The following SETD5 variants were observed in gnomAD, a reference collection of about 807,000 sequenced individuals.
SETD5 encodes the protein SET domain containing 5.
Under a neutral mutation model 153.3 loss-of-function variants are expected in SETD5, and 44 were observed. That is an observed-to-expected ratio of 0.29 (90% CI 0.23 to 0.37). The LOEUF is 0.37. Among genes scored for constraint, SETD5 ranks in the 10% least tolerant of loss-of-function variants. The probability of loss-of-function intolerance (pLI) is 1.00; values close to 1 mark genes in which losing one functional copy is unlikely to be tolerated. For missense variants in SETD5, 1,544 were observed against 1,768.0 expected, an observed-to-expected ratio of 0.87 and a Z score of 2.27; for synonymous variants, 716 against 645.2, an observed-to-expected ratio of 1.11 and a Z score of -1.66.
chr3:9,411,772 T>C lies in SETD5; in HGVS notation c.-176-12695T>C, dbSNP rs144662283. Among the ~76,000 whole-genome samples, 12 of 152,312 alleles carry C rather than the reference T, an allele frequency of 7.9e-5. No individual in the cohort carries two copies. The East Asian group carries it at 2.3e-3, about 29-fold the overall frequency. ...CAGTTCTCTAAACTCTGTCTGAACT[T>C]TACTTAGAATTAGTAATGTTCATAT... On this transcript the variant is annotated intron_variant, in intron 1 of 22. Coordinates refer to ENST00000402198, the MANE Select transcript of SETD5 (RefSeq NM_001080517.3).
intron 7 of SETD5, 63 bp downstream of exon 7, chr3:9,435,969 A>G (rs1296741142): frequency 7.1e-7 from 1 of 1,415,352 alleles, no homozygotes; most frequent in African/African-American, 1.4e-5. Flanking sequence ...TTGGAGCAAG[A>G]ATGCACCAAA....
rs1432231015 is a variant in SETD5, at chr3:9,445,962, G to GTTTTTTTTTTTTTTTTTTTTTTTTTTTT, written c.1524+224_1524+225insTTTTTTTTTTTTTTTTTTTTTTTTTTTT. 2.0e-4 allele frequency among the ~76,000 whole-genome samples: 24 copies of GTTTTTTTTTTTTTTTTTTTTTTTTTTTT among 120,244 alleles called. 3 individuals are homozygous for GTTTTTTTTTTTTTTTTTTTTTTTTTTTT. Among genetic ancestry groups the GTTTTTTTTTTTTTTTTTTTTTTTTTTTT allele is most frequent in the African/African-American group, 5.6e-4 (16 of 28,638 alleles). The allele number at this position is 120,244 out of a possible 152,430, so 78.9% of individuals were successfully genotyped here. A position where few individuals can be genotyped will look rare whatever the true frequency, so the allele number is the denominator to read the frequency against. ...TATTATCTAGTGATGGTTTGAAGAG[G>GTTTTTTTTTTTTTTTTTTTTTTTTTTTT]TTGTTTTTTTTTTTTTTTTTTTTTT... On this transcript the variant is annotated intron_variant, in intron 13 of 22. Coordinates refer to ENST00000402198, the MANE Select transcript of SETD5 (RefSeq NM_001080517.3).
intron 1 of SETD5, among the ~76,000 whole-genome samples, chr3:9,421,824 G>A (rs973078428): frequency 6.6e-6 from 1 of 152,038 alleles, no homozygotes; most frequent in Non-Finnish European, 1.5e-5. Context: ...GAGCTATTCT[G>A]TATATCTGTT....
At chr3:9,425,062 T>TTTTTTTTTTTTTG (rs1559380356) in intron 2 of SETD5, among the ~76,000 whole-genome samples, 93 of 144,460 alleles carry the variant, frequency 6.4e-4, no homozygotes, top group African/African-American at 2.4e-3. Context: ...TTTCTTTTTT[T>TTTTTTTTTTTTTG]TTTTTTTTTT....
intron 11 of SETD5, among the ~76,000 whole-genome samples, chr3:9,443,860 T>G (rs1038644915): frequency 2.6e-5 from 4 of 151,976 alleles, no homozygotes; most frequent in African/African-American, 9.7e-5. Flanking sequence ...GGTCAGGAGA[T>G]CGAGACCATC....
intron 1 of SETD5, among the ~76,000 whole-genome samples, chr3:9,417,728 G>A (rs905411376): frequency 1.5e-4 from 22 of 149,602 alleles, no homozygotes; most frequent in Admixed American, 9.3e-4. Flanking sequence ...CTCGTGATCC[G>A]CCCGCCTCGG....
chr3:9,444,555 A>G (rs1180112170), intron 11 of SETD5, among the ~76,000 whole-genome samples: 3 of 151,744 alleles, frequency 2.0e-5, no homozygotes, highest in East Asian at 3.9e-4. Context: ...TTTCCCACTG[A>G]CCATGGAGTA....
intron 1 of SETD5, among the ~76,000 whole-genome samples, chr3:9,421,923 A>G (rs2038471876): frequency 6.6e-6 from 1 of 152,148 alleles, no homozygotes; most frequent in Admixed American, 6.5e-5. Context: ...GTGTTTTTTC[A>G]TGAATCCCAG....
intron 1 of SETD5, among the ~76,000 whole-genome samples, chr3:9,400,885 C>T (rs1346928254): frequency 6.6e-6 from 1 of 152,136 alleles, no homozygotes; most frequent in East Asian, 1.9e-4. Context: ...ACAGTCTGAG[C>T]GTGGAAAAAC....
intron 1 of SETD5, among the ~76,000 whole-genome samples, chr3:9,415,690 C>T (rs1417689663): frequency 1.3e-5 from 2 of 151,946 alleles, no homozygotes; most frequent in Non-Finnish European, 2.9e-5. Flanking sequence ...CTCAAGGGAT[C>T]GGGATCCTCC....
At chr3:9,447,633 CTG>C (rs1438452481) in intron 14 of SETD5, 51 bp from the exon 15 acceptor site, 40 of 1,556,340 alleles carry the variant, frequency 2.6e-5, no homozygotes, top group Middle Eastern at 1.7e-4. Flanking sequence ...GGAAATTAGA[CTG>C]TTTGCTGATA....
intron 21 of SETD5, 151 bp downstream of exon 21, chr3:9,474,733 G>A (rs2045675442): frequency 9.4e-7 from 1 of 1,062,428 alleles, no homozygotes. Context: ...ATGCTCATTT[G>A]GGCTACCACA....
At chr3:9,430,063 T>C in intron 3 of SETD5, 1 of 1,065,006 alleles carries the variant, frequency 9.4e-7, no homozygotes, top group Non-Finnish European at 1.2e-6. Flanking sequence ...TGGGTGTTGC[T>C]CTAATTCCCC....
intron 1 of SETD5, among the ~76,000 whole-genome samples, chr3:9,415,650 A>T (rs1559363313): frequency 6.6e-6 from 1 of 152,100 alleles, no homozygotes; most frequent in Non-Finnish European, 1.5e-5. Flanking sequence ...GCACAGTCAT[A>T]GCTCACTGCA....
chr3:9,413,646 C>CA (rs2036935899), intron 1 of SETD5, among the ~76,000 whole-genome samples: 1 of 99,390 alleles, frequency 1.0e-5, no homozygotes, highest in Non-Finnish European at 1.9e-5. Flanking sequence ...TGGGGGGAGG[C>CA]GGGGTGTGTG....
chr3:9,453,148 T>G (rs1575503855), intron 16 of SETD5, among the ~76,000 whole-genome samples: 2 of 152,188 alleles, frequency 1.3e-5, no homozygotes, highest in African/African-American at 4.8e-5. Context: ...GTGATTTGCA[T>G]TACTCATGCA....
At chr3:9,417,659 G>A (rs1031964448) in intron 1 of SETD5, among the ~76,000 whole-genome samples, 2 of 151,144 alleles carry the variant, frequency 1.3e-5, no homozygotes, top group Middle Eastern at 3.2e-3. Context: ...CTAATTTTTC[G>A]TATTTTTAGT....
In SETD5 at chr3:9,475,175, G is replaced by C. The variant is rs1320077336; in HGVS notation, c.3720+19G>C. The C allele has an allele frequency of 6.4e-7, 1 of 1,563,016 alleles. No homozygotes were observed. Among genetic ancestry groups the C allele is most frequent in the Admixed American group, 1.9e-5 (1 of 52,628 alleles). ...CTACCAGGTGAGATGAGAAATTGCT[G>C]GTCTCTAGCCATAGGAGTGTGTTCT... On this transcript the variant is annotated intron_variant, in intron 22 of 22. Transcript: ENST00000402198.
At chr3:9,403,241 T>C (rs1349710493) in intron 1 of SETD5, among the ~76,000 whole-genome samples, 1 of 152,116 alleles carries the variant, frequency 6.6e-6, no homozygotes, top group Non-Finnish European at 1.5e-5. Context: ...TAGGGATCCA[T>C]TCTCGCCAAG....
Sources: allele counts gnomAD v4.1 joint callset (sites outside exome capture counted in the v4.1 genomes callset), GRCh38; gene constraint gnomAD v4.1.1; transcripts MANE v1.5; gene names NCBI Gene and HGNC (gene_info 2026-07-23, HGNC 2026-07-21).